RPS6KC1: variants seen among roughly 807,000 people sequenced by gnomAD.
RPS6KC1 encodes ribosomal protein S6 kinase C1, also known as inactive ribosomal protein S6 kinase delta-1.
Under a neutral mutation model 103.8 loss-of-function variants are expected in RPS6KC1, and 54 were observed. The ratio of observed to expected loss-of-function variants is 0.52; its 90% CI spans 0.42 to 0.65. The LOEUF (loss-of-function observed/expected upper bound fraction) is 0.65, where lower values mean the gene tolerates loss of function less well. Among genes scored for constraint, RPS6KC1 ranks in the 30% least tolerant of loss-of-function variants. RPS6KC1 has a pLI of 0.00. For synonymous variants in RPS6KC1, 439 were observed against 438.7 expected, an observed-to-expected ratio of 1.00 and a Z score of -0.01; for missense variants, 1,151 against 1,253.8, an observed-to-expected ratio of 0.92 and a Z score of 1.24.
At chr1:213,793,400 G>A in the RPS6KC1 span, among the ~76,000 whole-genome samples, 2 of 152,096 alleles carry the variant, frequency 1.3e-5, no homozygotes, top group Non-Finnish European at 2.9e-5. Context: ...CCCACATGAG[G>A]CCCAATTATC....
the RPS6KC1 span, among the ~76,000 whole-genome samples, chr1:213,362,791 G>A: frequency 4.6e-5 from 7 of 152,180 alleles, no homozygotes; most frequent in African/African-American, 1.7e-4. Context: ...GTCCTCCATG[G>A]AGTGGGTGGG....
At chr1:213,425,655 C>G in the RPS6KC1 span, among the ~76,000 whole-genome samples, 3 of 152,204 alleles carry the variant, frequency 2.0e-5, no homozygotes, top group Non-Finnish European at 4.4e-5. Flanking sequence ...CAAGAGCTCT[C>G]CACCACAATG....
At chr1:213,759,878 T>G in the RPS6KC1 span, among the ~76,000 whole-genome samples, 88 of 152,328 alleles carry the variant, frequency 5.8e-4, 1 homozygote, top group African/African-American at 2.1e-3. Flanking sequence ...CTCCCTCACC[T>G]AGCACAGAGC....
the RPS6KC1 span, among the ~76,000 whole-genome samples, chr1:213,619,014 A>C: frequency 1.3e-5 from 2 of 152,174 alleles, no homozygotes; most frequent in African/African-American, 4.8e-5. Flanking sequence ...TAAATCCACA[A>C]TAGTATATTC....
the RPS6KC1 span, among the ~76,000 whole-genome samples, chr1:213,533,130 G>A: frequency 6.6e-6 from 1 of 152,186 alleles, no homozygotes; most frequent in Non-Finnish European, 1.5e-5. Context: ...GGAAACGGTG[G>A]CAACATGCAG....
At chr1:213,078,555 C>T (rs1305331807) in intron 3 of RPS6KC1, among the ~76,000 whole-genome samples, 1 of 152,130 alleles carries the variant, frequency 6.6e-6, no homozygotes, top group African/African-American at 2.4e-5. Context: ...GCGTCTGCCA[C>T]CACACCTGGC....
At chr1:213,124,164 G>C (rs1329588653) in intron 5 of RPS6KC1, among the ~76,000 whole-genome samples, 1 of 152,120 alleles carries the variant, frequency 6.6e-6, no homozygotes, top group Non-Finnish European at 1.5e-5. Flanking sequence ...GAATTTCTGT[G>C]ATACGAACCT....
the RPS6KC1 span, among the ~76,000 whole-genome samples, chr1:213,342,106 C>G: frequency 1.3e-5 from 2 of 152,216 alleles, no homozygotes; most frequent in Non-Finnish European, 2.9e-5. Context: ...TGGTCAATTT[C>G]TCACCAAGTT....
the RPS6KC1 span, among the ~76,000 whole-genome samples, chr1:213,662,056 T>A: frequency 1.3e-5 from 2 of 152,034 alleles, no homozygotes; most frequent in Non-Finnish European, 2.9e-5. Context: ...ATAAATAAGG[T>A]ATGTTGGAGG....
chr1:213,190,953 A>G (rs951911801), intron 8 of RPS6KC1, among the ~76,000 whole-genome samples: 2 of 152,118 alleles, frequency 1.3e-5, no homozygotes, highest in South Asian at 2.1e-4. Flanking sequence ...AAATAAGTTC[A>G]CTGTAGATAT....
chr1:213,853,685 G>A, the RPS6KC1 span, among the ~76,000 whole-genome samples: 1 of 152,164 alleles, frequency 6.6e-6, no homozygotes, highest in African/African-American at 2.4e-5. Context: ...TTGAATTCAA[G>A]GGAACCATAA....
At chr1:213,479,081 A>G in the RPS6KC1 span, among the ~76,000 whole-genome samples, 1 of 152,138 alleles carries the variant, frequency 6.6e-6, no homozygotes, top group Non-Finnish European at 1.5e-5. Context: ...CTGATAATAC[A>G]TATAGATTTA....
At chr1:213,267,685 A>G (rs1443858929) in intron 14 of RPS6KC1, among the ~76,000 whole-genome samples, 2 of 151,992 alleles carry the variant, frequency 1.3e-5, no homozygotes, top group East Asian at 1.9e-4. Context: ...ACAAAAATGA[A>G]TCAACAAAGA....
At chr1:213,386,396 G>T in the RPS6KC1 span, among the ~76,000 whole-genome samples, 1 of 152,176 alleles carries the variant, frequency 6.6e-6, no homozygotes, top group Non-Finnish European at 1.5e-5. Context: ...TTCCTCATCT[G>T]TGCAAAGTGG....
At chr1:213,421,368 C>A in the RPS6KC1 span, among the ~76,000 whole-genome samples, 1 of 152,236 alleles carries the variant, frequency 6.6e-6, no homozygotes, top group Non-Finnish European at 1.5e-5. Flanking sequence ...CCACCTTGGC[C>A]TCCCAAAGTG....
chr1:213,471,542 C>T, the RPS6KC1 span, among the ~76,000 whole-genome samples: 1 of 152,202 alleles, frequency 6.6e-6, no homozygotes, highest in Admixed American at 6.5e-5. Flanking sequence ...TACCTTCCCT[C>T]ACTGTCATCC....
chr1:213,386,400 A>G, the RPS6KC1 span, among the ~76,000 whole-genome samples: 1 of 152,222 alleles, frequency 6.6e-6, no homozygotes, highest in Non-Finnish European at 1.5e-5. Context: ...TCATCTGTGC[A>G]AAGTGGGTTG....
intron 12 of RPS6KC1, among the ~76,000 whole-genome samples, chr1:213,253,309 A>G (rs907151368): frequency 1.3e-5 from 2 of 152,158 alleles, no homozygotes; most frequent in Non-Finnish European, 1.5e-5. Flanking sequence ...AAAACCAGGG[A>G]ACTGAGTCAG....
At chr1:213,844,170 A>G in the RPS6KC1 span, among the ~76,000 whole-genome samples, 3 of 152,220 alleles carry the variant, frequency 2.0e-5, no homozygotes, top group East Asian at 3.8e-4. Flanking sequence ...AGTCTCAAGT[A>G]TGGTTATCAA....
Sources: allele counts gnomAD v4.1 joint callset (sites outside exome capture counted in the v4.1 genomes callset), GRCh38; gene constraint gnomAD v4.1.1; transcripts MANE v1.5; gene names NCBI Gene and HGNC (gene_info 2026-07-23, HGNC 2026-07-21).